Variants in SPAG16 observed in about 807,000 individuals in gnomAD.
SPAG16 encodes the protein sperm-associated antigen 16 protein.
In SPAG16, 86 loss-of-function variants were observed where a neutral mutation model predicts 80.4. The ratio of observed to expected loss-of-function variants is 1.07; its 90% CI spans 0.90 to 1.28. SPAG16 has a LOEUF of 1.28. Ranked by LOEUF, SPAG16 falls within the 50% of genes most tolerant of loss-of-function variation. The pLI, the probability that SPAG16 is intolerant of heterozygous loss-of-function variation, is 0.00. For missense variants in SPAG16, 870 were observed against 765.3 expected, an observed-to-expected ratio of 1.14 and a Z score of -1.61; for synonymous variants, 294 against 265.9, an observed-to-expected ratio of 1.11 and a Z score of -1.03.
chr2:213,683,495 G>C (rs956928266), intron 10 of SPAG16, among the ~76,000 whole-genome samples: 14 of 151,740 alleles, frequency 9.2e-5, no homozygotes, highest in African/African-American at 2.9e-4. Context: ...AGGTTGCAGT[G>C]AGCCGAGATC....
chr2:213,590,335 T>C (rs1266275144), intron 10 of SPAG16, among the ~76,000 whole-genome samples: 1 of 151,804 alleles, frequency 6.6e-6, no homozygotes, highest in Non-Finnish European at 1.5e-5. Flanking sequence ...TGATAGATAG[T>C]TTTTCAACCC....
intron 10 of SPAG16, among the ~76,000 whole-genome samples, chr2:213,539,485 T>G (rs1156555431): frequency 1.3e-5 from 2 of 152,208 alleles, no homozygotes; most frequent in African/African-American, 4.8e-5. Context: ...CAACTATCAC[T>G]GGGTGTTTAT....
intron 15 of SPAG16, among the ~76,000 whole-genome samples, chr2:214,277,210 A>G (rs1317916155): frequency 6.6e-6 from 1 of 151,852 alleles, no homozygotes; most frequent in African/African-American, 2.4e-5. Flanking sequence ...CAAGGTTTTT[A>G]GCTTCCTTGT....
At chr2:213,592,433 A>C (rs1031041225) in intron 10 of SPAG16, among the ~76,000 whole-genome samples, 9 of 152,232 alleles carry the variant, frequency 5.9e-5, no homozygotes, top group Admixed American at 5.2e-4. Flanking sequence ...CTTAAAAAAG[A>C]AATACTTTAT....
intron 11 of SPAG16, among the ~76,000 whole-genome samples, chr2:213,919,683 C>T (rs1426839608): frequency 6.6e-6 from 1 of 152,124 alleles, no homozygotes; most frequent in African/African-American, 2.4e-5. Context: ...AGTTCTCTTG[C>T]ATTTGCTGAG....
At chr2:213,472,511 G>A (rs1475512228) in intron 9 of SPAG16, among the ~76,000 whole-genome samples, 1 of 152,202 alleles carries the variant, frequency 6.6e-6, no homozygotes, top group Admixed American at 6.5e-5. Flanking sequence ...AATCTCCGCA[G>A]TCCCTCCAGG....
intron 12 of SPAG16, among the ~76,000 whole-genome samples, chr2:213,960,597 T>C (rs764309910): frequency 2.0e-5 from 3 of 152,222 alleles, no homozygotes; most frequent in Non-Finnish European, 4.4e-5. Context: ...AGGCAGTCTG[T>C]GTGCCAGGAG....
rs754068475 is a variant in SPAG16, at chr2:213,284,594, G to C, written c.111G>C (p.Ala37=). The C allele has an allele frequency of 6.2e-7, 1 of 1,609,428 alleles. No individual in the cohort carries two copies. The highest frequency in any genetic ancestry group is 8.5e-7 in the Non-Finnish European group (1 of 1,178,618). The change falls in exon 1 of 16, where the codon GCG becomes GCC. Residue 37 remains alanine, a synonymous_variant. Coordinates refer to ENST00000331683, the MANE Select transcript of SPAG16 (RefSeq NM_024532.5). ...CGAGGGACACGGCGGACGCGGTGGC[G>C]GCTGAGGGCGCCTACTACCTGGAAC... ...GDARDTADAV[A]AEGAYYLEQV... is the part of the protein sequence containing the mutation.
At chr2:214,371,187 G>A (rs934694148) in intron 15 of SPAG16, among the ~76,000 whole-genome samples, 14 of 151,998 alleles carry the variant, frequency 9.2e-5, no homozygotes, top group Non-Finnish European at 1.3e-4. Flanking sequence ...ATATATACTC[G>A]ACAGGGAAAA....
intron 9 of SPAG16, among the ~76,000 whole-genome samples, chr2:213,407,265 G>A (rs73990344): frequency 0.074 from 11,268 of 152,118 alleles, 1,372 homozygotes; most frequent in African/African-American, 0.25. Flanking sequence ...TTCAGAGGGG[G>A]AAAGGGAGAA....
chr2:213,447,945 C>G (rs771401161), intron 9 of SPAG16, among the ~76,000 whole-genome samples: 1 of 152,216 alleles, frequency 6.6e-6, no homozygotes, highest in South Asian at 2.1e-4. Context: ...CTCAAAAGAT[C>G]TAAGAGATTT....
In SPAG16 at chr2:213,350,249, A is replaced by T. The variant is rs187625219; in HGVS notation, c.645-279A>T. Among the ~76,000 whole-genome samples the T allele has an allele frequency of 2.5e-3, 382 of 152,274 alleles. 4 individuals carry two copies. The highest frequency in any genetic ancestry group is 2.4e-3 in the Non-Finnish European group (161 of 68,024). Reference sequence around the variant, plus strand: ...TTTAAAAAATTTCATGGGTAGCAGCAATCTTCTGAGTACATACTTGGACAC... The same window carrying T: ...TTTAAAAAATTTCATGGGTAGCAGCTATCTTCTGAGTACATACTTGGACAC... On this transcript the variant is annotated intron_variant, in intron 6 of 15. Transcript: ENST00000331683.
At chr2:214,176,279 T>TA (rs2057076466) in intron 15 of SPAG16, among the ~76,000 whole-genome samples, 2 of 151,204 alleles carry the variant, frequency 1.3e-5, no homozygotes, top group African/African-American at 4.8e-5. Flanking sequence ...ACTTCTTTTT[T>TA]TAAAAAAAAA....
At chr2:213,781,506 G>A (rs1325647327) in intron 10 of SPAG16, among the ~76,000 whole-genome samples, 2 of 151,720 alleles carry the variant, frequency 1.3e-5, no homozygotes, top group Admixed American at 1.3e-4. Context: ...CCCCTCCCCT[G>A]CCCATACTTT....
At chr2:213,534,990 C>G (rs959178171) in intron 10 of SPAG16, among the ~76,000 whole-genome samples, 1 of 151,962 alleles carries the variant, frequency 6.6e-6, no homozygotes, top group African/African-American at 2.4e-5. Flanking sequence ...AAAGCAGGAC[C>G]GTGTAAAGAC....
intron 11 of SPAG16, among the ~76,000 whole-genome samples, chr2:213,928,076 G>A (rs928364082): frequency 6.6e-6 from 1 of 151,966 alleles, no homozygotes; most frequent in African/African-American, 2.4e-5. Context: ...AAAATCAATT[G>A]GATCTTCTCT....
At chr2:214,166,595 T>G (rs1380569908) in intron 15 of SPAG16, among the ~76,000 whole-genome samples, 1 of 152,160 alleles carries the variant, frequency 6.6e-6, no homozygotes, top group East Asian at 1.9e-4. Context: ...TTTCCTTAAT[T>G]TATTCCTCTA....
At chr2:214,318,545 C>G (rs1032425597) in intron 15 of SPAG16, among the ~76,000 whole-genome samples, 10 of 151,828 alleles carry the variant, frequency 6.6e-5, no homozygotes, top group Non-Finnish European at 1.3e-4. Flanking sequence ...CCATGCCTGG[C>G]TAGTTTTTTG....
chr2:213,610,574 A>G (rs1484560945), intron 10 of SPAG16, among the ~76,000 whole-genome samples: 2 of 152,174 alleles, frequency 1.3e-5, no homozygotes, highest in African/African-American at 4.8e-5. Context: ...AAAGGGTCCC[A>G]ATCCAGACCC....
Sources: gnomAD v4.1 joint callset for allele counts (sites outside exome capture counted in the v4.1 genomes callset) on GRCh38, gnomAD v4.1.1 for gene constraint, MANE v1.5 for transcripts, NCBI Gene and HGNC (gene_info 2026-07-23, HGNC 2026-07-21) for gene names.